GOLGA3: variants seen among roughly 807,000 people sequenced by gnomAD.
GOLGA3 encodes the protein golgin subfamily A member 3.
Under a neutral mutation model 169.4 loss-of-function variants are expected in GOLGA3, and 75 were observed. The observed-to-expected ratio is 0.44, with a 90% CI of 0.37 to 0.54. The LOEUF (loss-of-function observed/expected upper bound fraction) is 0.54. Ranked by LOEUF, GOLGA3 falls within the 20% of genes least tolerant of loss-of-function variation. GOLGA3 has a pLI of 0.00. For synonymous variants in GOLGA3, 824 were observed against 822.4 expected (o/e 1.00, Z -0.03); for missense variants, 1,899 against 1,930.0 (o/e 0.98, Z 0.30).
chr12:132,787,654 CG>C (rs2045978221), intron 13 of GOLGA3, among the ~76,000 whole-genome samples: 1 of 110,704 alleles, frequency 9.0e-6, no homozygotes, highest in Non-Finnish European at 2.0e-5. Flanking sequence ...GACCCCTCCC[CG>C]GAGACCCCGG....
chr12:132,782,301 G>T lies in GOLGA3; in HGVS notation c.3460C>A (p.Leu1154Ile). The change falls in exon 17 of 24, where the codon CTT becomes ATT. Residue 1154 changes from leucine (L) to isoleucine (I), a missense_variant. Coordinates refer to ENST00000450791, the MANE Select transcript of GOLGA3 (RefSeq NM_001389683.1). ...AGTTTGACGAGTTTGAATACCTGAA[G>T]GTTCAACTGGACTAGGTCTGCCTCC... ...KREADLVQLN[L>I]QVQAVLQRKE... 6.2e-7 allele frequency: 1 copy of T among 1,613,340 alleles called. No individual in the cohort carries two copies. The highest frequency in any genetic ancestry group is 8.5e-7 in the Non-Finnish European group (1 of 1,179,384).
In GOLGA3 at chr12:132,804,818, C is replaced by A. The variant is rs1949310115; in HGVS notation, c.1495G>T (p.Ala499Ser). 6.2e-7 allele frequency: 1 copy of A among 1,614,214 alleles called. No homozygotes were observed. The highest frequency in any genetic ancestry group is 2.2e-5 in the East Asian group (1 of 44,886). ...ACCTGCAAGTCGTTGTTGGACGACG[C>A]CAGGCTGGCATTTTTTGCCTCCAGC... is the stretch of plus-strand genomic sequence containing the variant. ...NMLEAKNASLASSNNDLQVAE... is the reference protein window; with the variant it reads ...NMLEAKNASLSSSNNDLQVAE... The change falls in exon 7 of 24, where the codon GCG becomes TCG. Residue 499 changes from alanine (A) to serine (S), a missense_variant. Transcript: ENST00000450791. The surrounding 1 kb of genome is among the most constrained non-coding windows in gnomAD (Gnocchi z 4.1).
intron 8 of GOLGA3, among the ~76,000 whole-genome samples, chr12:132,801,114 G>A (rs956850786): frequency 2.6e-5 from 4 of 152,258 alleles, no homozygotes; most frequent in Admixed American, 6.5e-5. Context: ...CGAAGCAGTT[G>A]CTGTGGGCCG....
In GOLGA3 at chr12:132,772,129, ATT is replaced by A. The variant is rs890305008; in HGVS notation, c.*974_*975del. The stretch of plus-strand genomic sequence containing the variant: ...TTTAGAAGGTAAATAAAATAATTAT[ATT>A]TCTTAGAATTTTCTGACTATCCCTA... On this transcript the variant is annotated 3_prime_UTR_variant, in exon 24 of 24. Transcript: ENST00000450791. 12 of 152,386 alleles carry A rather than the reference ATT, an allele frequency of 7.9e-5. No individual in the cohort carries two copies. The highest frequency in any genetic ancestry group is 2.9e-4 in the African/African-American group (12 of 41,594). 9.4% of individuals were successfully genotyped at this position (152,386 alleles called of 1,614,324 possible).
At chr12:132,828,702 C>CCCGCCGGCCCACGCCCGGCCT (rs1555266651) in intron 1 of GOLGA3, 101 bp downstream of exon 1, 1 of 152,198 alleles carries the variant, frequency 6.6e-6, no homozygotes, top group Non-Finnish European at 1.5e-5. Context: ...GCGCCCAGGC[C>CCCGCCGGCCCACGCCCGGCCT]CCGCCGCCGC....
At position 132,816,715 on chromosome 12, in the gene GOLGA3, G is replaced by A. The variant is rs747740074; in HGVS notation, c.231C>T (p.Asp77=). Residue 77 remains aspartate, a synonymous_variant, in exon 3 of 24, where the codon GAC becomes GAT. Coordinates refer to ENST00000450791, the MANE Select transcript of GOLGA3 (RefSeq NM_001389683.1). ...TGGTGGGATCGAGAGACGACGGAGG[G>A]TCTGGGAAGGGTGGCGTTGGCCCGT... ...CQNGPTPPFP[D]PPSSLDPTTS... 29 of 1,614,002 alleles carry A rather than the reference G, an allele frequency of 1.8e-5. No individual in the cohort carries two copies. The highest frequency in any genetic ancestry group is 2.3e-5 in the Non-Finnish European group (27 of 1,179,986).
chr12:132,822,330 A>T lies in GOLGA3; in HGVS notation c.-183-19T>A. On this transcript the variant is annotated intron_variant, in intron 1 of 23. Transcript: ENST00000450791. ...ATGATACCTGACAGGAGAGAGAGAC[A>T]AAATGTATTATGAAACTTGTCAGAT... The T allele has an allele frequency of 7.9e-7, 1 of 1,261,418 alleles. No individual in the cohort carries two copies. Among genetic ancestry groups the T allele is most frequent in the Admixed American group, 4.1e-5 (1 of 24,328 alleles). The allele number at this position is 1,261,418 out of a possible 1,614,324, so 78.1% of individuals were successfully genotyped here. A position where few individuals can be genotyped will look rare whatever the true frequency, so the allele number is the denominator to read the frequency against.
chr12:132,779,514 A>G (rs2045429083), intron 18 of GOLGA3, among the ~76,000 whole-genome samples: 1 of 152,270 alleles, frequency 6.6e-6, no homozygotes, highest in African/African-American at 2.4e-5. Flanking sequence ...TGGCAAAGCC[A>G]GGTCATAGGA....
Position 132,820,830 on chromosome 12 carries a change from T to G in GOLGA3, c.133+1166A>C, listed in dbSNP as rs541829953. ...AAAGGCAGAATTCGGCCAGGCACAGTGGCTCACTCCTGTAATCCCAGCACT... is the reference window on the plus strand; with the variant it reads ...AAAGGCAGAATTCGGCCAGGCACAGGGGCTCACTCCTGTAATCCCAGCACT... On this transcript the variant is annotated intron_variant, in intron 2 of 23. Transcript: ENST00000450791. Among the ~76,000 whole-genome samples, 13 of 152,248 alleles carry G rather than the reference T, an allele frequency of 8.5e-5. No individual in the cohort carries two copies. The East Asian group carries it at 2.3e-3, about 27-fold the overall frequency.
At chr12:132,789,791 T>TCAGAAATAAAATACGGCA (rs59943769) in intron 12 of GOLGA3, among the ~76,000 whole-genome samples, 7 of 152,024 alleles carry the variant, frequency 4.6e-5, no homozygotes, top group Non-Finnish European at 7.4e-5. Flanking sequence ...CCCAGCACTC[T>TCAGAAATAAAATACGGCA]GGGAGCCCGA....
At chr12:132,786,889 C>A (rs2136356358) in intron 13 of GOLGA3, 102 bp from the exon 14 acceptor site, 3 of 816,728 alleles carry the variant, frequency 3.7e-6, no homozygotes, top group Middle Eastern at 2.5e-4. Context: ...ACTGCTCAGG[C>A]TCGCCCTGGA....
rs1236201345 is a variant in GOLGA3 at position 132,822,318 on chromosome 12, GGA to G, written c.-183-9_-183-8del. 1.1e-5 allele frequency: 15 copies of G among 1,307,576 alleles called. No individual in the cohort carries two copies. Among genetic ancestry groups the G allele is most frequent in the African/African-American group, 1.6e-5 (1 of 64,354 alleles). 81.0% of individuals were successfully genotyped at this position (1,307,576 alleles called of 1,614,324 possible). A position where few individuals can be genotyped will look rare whatever the true frequency, so the allele number is the denominator to read the frequency against. On this transcript the variant is annotated splice_polypyrimidine_tract_variant and splice_region_variant and intron_variant, in intron 1 of 23. Transcript: ENST00000450791. Reference sequence around the variant, plus strand: ...CCAGCTAATATCATGATACCTGACAGGAGAGAGAGACAAAATGTATTATGAAA... The same window carrying G: ...CCAGCTAATATCATGATACCTGACAGGAGAGAGACAAAATGTATTATGAAA...
chr12:132,785,273 C>A (rs1050902269), intron 15 of GOLGA3, among the ~76,000 whole-genome samples: 1 of 152,212 alleles, frequency 6.6e-6, no homozygotes, highest in African/African-American at 2.4e-5. Context: ...ATCTCCCCAA[C>A]ATTTTACAAA....
chr12:132,791,426 A>G (rs1566094872), intron 11 of GOLGA3, 133 bp from the exon 12 acceptor site: 1 of 587,996 alleles, frequency 1.7e-6, no homozygotes, highest in Non-Finnish European at 3.0e-6. Flanking sequence ...AGGAGGGGAC[A>G]CATCCTCACA....
At chr12:132,821,457 T>C (rs199736034) in intron 2 of GOLGA3, among the ~76,000 whole-genome samples, 2 of 151,650 alleles carry the variant, frequency 1.3e-5, no homozygotes, top group Non-Finnish European at 2.9e-5. Context: ...TAAAGACCCA[T>C]AGATCCCTTC....
At chr12:132,798,151 T>A (rs1479973555) in intron 9 of GOLGA3, among the ~76,000 whole-genome samples, 189 bp downstream of exon 9, 3 of 77,564 alleles carry the variant, frequency 3.9e-5, no homozygotes, top group African/African-American at 1.6e-4. Flanking sequence ...CCATCCATGC[T>A]AAGCCCCCAC....
At chr12:132,815,485 C>T (rs1018865922) in intron 3 of GOLGA3, among the ~76,000 whole-genome samples, 1 of 152,244 alleles carries the variant, frequency 6.6e-6, no homozygotes, top group African/African-American at 2.4e-5. Context: ...TACTTCTCAA[C>T]TTAAATGCTG....
At chr12:132,785,949 C>G (rs1356914397) in intron 15 of GOLGA3, among the ~76,000 whole-genome samples, 1 of 152,244 alleles carries the variant, frequency 6.6e-6, no homozygotes, top group Non-Finnish European at 1.5e-5. Flanking sequence ...ACCCCATGCC[C>G]TCACTCCTGC....
Position 132,804,885 on chromosome 12 carries a change from C to G in GOLGA3, c.1428G>C (p.Ser476=). Residue 476 remains serine, a synonymous_variant, in exon 7 of 24, where the codon TCG becomes TCC. Transcript: ENST00000450791. This position sits in a 1 kb window ranked among gnomAD's most constrained non-coding sequence, Gnocchi z 4.1. ...TCATGGCTCGCTCCAGGTCCCAGCA[C>G]GACTGCTTCAGGGTGTCCACCTCCG... ...LSSEVDTLKQ[S]CWDLERAMTD... is the part of the protein sequence containing the mutation. 6.2e-7 allele frequency: 1 copy of G among 1,614,108 alleles called. No homozygotes were observed. The highest frequency in any genetic ancestry group is 1.1e-5 in the South Asian group (1 of 91,090).
Sources: allele counts gnomAD v4.1 joint callset (sites outside exome capture counted in the v4.1 genomes callset), GRCh38; gene constraint gnomAD v4.1.1; non-coding constraint Gnocchi (gnomAD v3.1); transcripts MANE v1.5; gene names NCBI Gene and HGNC (gene_info 2026-07-23, HGNC 2026-07-21).